Variants in ARHGEF16 observed in about 807,000 individuals in gnomAD.
ARHGEF16 encodes the protein Rho guanine exchange factor (GEF) 16.
Under a neutral mutation model 74.1 loss-of-function variants are expected in ARHGEF16, and 59 were observed. The observed-to-expected ratio is 0.80, with a 90% CI of 0.65 to 0.99. ARHGEF16 has a LOEUF of 0.99. ARHGEF16 is among the 50% of genes least tolerant of loss of function. The pLI, the probability that ARHGEF16 is intolerant of heterozygous loss-of-function variation, is 0.00. For missense variants in ARHGEF16, 948 were observed against 986.6 expected (o/e 0.96, Z 0.52); for synonymous variants, 415 against 412.6 (o/e 1.01, Z -0.07).
rs181370251 is a variant in ARHGEF16 at position 3,461,847 on chromosome 1, G to A, written c.-19-1219G>A. 8.2e-3 allele frequency among the ~76,000 whole-genome samples: 1,244 copies of A among 152,300 alleles called. 19 individuals carry two copies. Among genetic ancestry groups the A allele is most frequent in the African/African-American group, 0.029 (1,188 of 41,556 alleles). ...TATAGTCATGGCAGCCAGGGAAGAC[G>A]CAGAGGCAGGTCGAGAGCTGGCTCT... On this transcript the variant is annotated intron_variant, in intron 1 of 14. Transcript: ENST00000378378.
At chr1:3,462,780 C>T (rs1488946049) in intron 1 of ARHGEF16, among the ~76,000 whole-genome samples, 1 of 152,192 alleles carries the variant, frequency 6.6e-6, no homozygotes, top group Non-Finnish European at 1.5e-5. Flanking sequence ...TCCAGCCTAC[C>T]CCCATAGGCT....
chr1:3,477,543 A>G (rs1639920735), intron 10 of ARHGEF16, among the ~76,000 whole-genome samples: 1 of 150,830 alleles, frequency 6.6e-6, no homozygotes, highest in Non-Finnish European at 1.5e-5. Context: ...CGTCTGCGTA[A>G]TTGCCACGGA....
rs1237685785 is a variant in ARHGEF16 at position 3,480,961 on chromosome 1, C to G, written c.*374C>G. On this transcript the variant is annotated 3_prime_UTR_variant, in exon 15 of 15. Transcript: ENST00000378378. Reference sequence around the variant, plus strand: ...TATTGGGGGCAATGCGAGGTCTCCTCCTATGCCCTTCCTACCCCTGAGTGG... The same window carrying G: ...TATTGGGGGCAATGCGAGGTCTCCTGCTATGCCCTTCCTACCCCTGAGTGG... The G allele has an allele frequency of 4.2e-6, 1 of 238,562 alleles. No individual in the cohort carries two copies. The highest frequency in any genetic ancestry group is 2.3e-5 in the African/African-American group (1 of 44,232). 14.8% of individuals were successfully genotyped at this position (238,562 alleles called of 1,614,324 possible).
In ARHGEF16 at chr1:3,463,460, C is replaced by T. The variant is rs760793295; in HGVS notation, c.376C>T (p.Pro126Ser). ...CGCCCGGCGGGACCCTAAGCTCCTC[C>T]CAGCCCCCAGCTTCTCCCTGGATGA... Reference protein sequence around the residue: ...EAARRDPKLLPAPSFSLDDMD... With the variant: ...EAARRDPKLLSAPSFSLDDMD... The change falls in exon 2 of 15, where the codon CCA becomes TCA. Residue 126 changes from proline to serine, a missense_variant. By Grantham distance (74) the Pro-to-Ser change is moderately conservative (BLOSUM62 -1). Coordinates refer to ENST00000378378, the MANE Select transcript of ARHGEF16 (RefSeq NM_014448.4). The T allele has an allele frequency of 6.5e-7, 1 of 1,534,812 alleles. No individual in the cohort carries two copies. The highest frequency in any genetic ancestry group is 2.5e-5 in the East Asian group (1 of 40,738).
intron 6 of ARHGEF16, among the ~76,000 whole-genome samples, chr1:3,470,654 G>A (rs1438249713): frequency 6.9e-6 from 1 of 144,286 alleles, no homozygotes; most frequent in Non-Finnish European, 1.5e-5. Flanking sequence ...TATCTGCGTG[G>A]TCAGGGATGT....
At chr1:3,465,090 C>T (rs1460016652) in intron 2 of ARHGEF16, among the ~76,000 whole-genome samples, 1 of 152,244 alleles carries the variant, frequency 6.6e-6, no homozygotes, top group African/African-American at 2.4e-5. Context: ...CTGGAAGGGC[C>T]CCAGCACTCT....
intron 1 of ARHGEF16, among the ~76,000 whole-genome samples, chr1:3,457,645 G>A (rs1639296385): frequency 1.3e-5 from 2 of 152,240 alleles, no homozygotes; most frequent in South Asian, 4.1e-4. Flanking sequence ...CAGCAGATCA[G>A]CCAAGGCCAA....
intron 10 of ARHGEF16, among the ~76,000 whole-genome samples, chr1:3,476,570 C>T (rs575039955): frequency 5.9e-4 from 90 of 152,216 alleles, no homozygotes; most frequent in South Asian, 1.7e-3. Context: ...AGCCCTAGTC[C>T]CTGCCACAAA....
At chr1:3,461,961 G>A (rs985226505) in intron 1 of ARHGEF16, among the ~76,000 whole-genome samples, 2 of 152,190 alleles carry the variant, frequency 1.3e-5, no homozygotes, top group Non-Finnish European at 2.9e-5. Context: ...CCCTGCCTCG[G>A]GTCTGGAAGG....
intron 1 of ARHGEF16, among the ~76,000 whole-genome samples, 153 bp from the exon 2 acceptor site, chr1:3,462,913 C>T (rs1175636448): frequency 6.6e-6 from 1 of 152,226 alleles, no homozygotes; most frequent in African/African-American, 2.4e-5. Context: ...CACTGATCCA[C>T]TGTGCTCCTG....
At position 3,479,568 on chromosome 1, in the gene ARHGEF16, G is replaced by T. The variant is rs1639997923; in HGVS notation, c.1866G>T (p.Trp622Cys). 6.2e-7 allele frequency: 1 copy of T among 1,612,242 alleles called. No homozygotes were observed. Among genetic ancestry groups the T allele is most frequent in the African/African-American group, 1.3e-5 (1 of 74,924 alleles). The change falls in exon 13 of 15, where the codon TGG becomes TGT. Residue 622 changes from tryptophan to cysteine, a missense_variant. Coordinates refer to ENST00000378378, the MANE Select transcript of ARHGEF16 (RefSeq NM_014448.4). ...CGCTCACACACAGTGAGAGACAGTG[G>T]CAGGGCCTCTCCAGCAAAGGAGGTG... is the stretch of plus-strand genomic sequence containing the variant. ...IVALTHSERQ[W>C]QGLSSKGDLP...
chr1:3,471,582 G>A, intron 6 of ARHGEF16: 1 of 1,084,608 alleles, frequency 9.2e-7, no homozygotes, highest in African/African-American at 1.7e-5. Context: ...CCCTCCCCCA[G>A]CTCTGCCCCC....
chr1:3,467,092 T>C, intron 3 of ARHGEF16, 76 bp from the exon 4 acceptor site: 1 of 1,441,232 alleles, frequency 6.9e-7, no homozygotes, highest in South Asian at 1.4e-5. Flanking sequence ...CCTAGAGGAC[T>C]CAGCTGGCGG....
At chr1:3,466,925 T>G (rs942381994) in intron 3 of ARHGEF16, 2 of 455,880 alleles carry the variant, frequency 4.4e-6, no homozygotes, top group African/African-American at 2.0e-5. Flanking sequence ...GTAAGGCTGG[T>G]TGGGGGCTGC....
chr1:3,480,404 C>A (rs998350859), intron 14 of ARHGEF16, 44 bp from the exon 15 acceptor site: 14 of 1,607,414 alleles, frequency 8.7e-6, no homozygotes, highest in Non-Finnish European at 1.1e-5. Context: ...CCGGGGGACC[C>A]ACGGCCTTCC....
intron 6 of ARHGEF16, chr1:3,471,826 C>T: frequency 9.4e-7 from 1 of 1,063,246 alleles, no homozygotes; most frequent in African/African-American, 1.7e-5. Context: ...CCAGACCTTT[C>T]TCAGAACCTG....
intron 5 of ARHGEF16, 55 bp from the exon 6 acceptor site, chr1:3,469,378 G>T: frequency 6.3e-7 from 1 of 1,596,628 alleles, no homozygotes; most frequent in South Asian, 1.1e-5. Flanking sequence ...ATTGGTCACC[G>T]AGGCACGCCC....
chr1:3,469,773 C>T (rs184274592), intron 6 of ARHGEF16, among the ~76,000 whole-genome samples, 180 bp downstream of exon 6: 3 of 152,342 alleles, frequency 2.0e-5, no homozygotes, highest in African/African-American at 4.8e-5. Context: ...TTGAGGCCAC[C>T]AAGAGCTGGC....
At chr1:3,473,024 G>A (rs745715656) in intron 6 of ARHGEF16, 54 bp from the exon 7 acceptor site, 135 of 1,581,624 alleles carry the variant, frequency 8.5e-5, no homozygotes, top group East Asian at 1.3e-4. Context: ...GTGTGCACAC[G>A]TGGGGCCCGA....
Sources: allele counts gnomAD v4.1 joint callset (sites outside exome capture counted in the v4.1 genomes callset), GRCh38; gene constraint gnomAD v4.1.1; transcripts MANE v1.5; gene names NCBI Gene and HGNC (gene_info 2026-07-23, HGNC 2026-07-21).